The following COX7B2 variants were observed in gnomAD, a reference collection of about 807,000 sequenced individuals.
The protein encoded by COX7B2 is cytochrome c oxidase subunit 7B2, also known as cytochrome c oxidase subunit 7B2, mitochondrial.
For synonymous variants in COX7B2, 37 were observed against 32.1 expected, an observed-to-expected ratio of 1.15 and a Z score of -0.51; for missense variants, 109 against 95.9, an observed-to-expected ratio of 1.14 and a Z score of -0.57.
At chr4:46,854,705 A>G (rs1188286840) in intron 1 of COX7B2, among the ~76,000 whole-genome samples, 4 of 152,226 alleles carry the variant, frequency 2.6e-5, no homozygotes, top group African/African-American at 9.6e-5. Flanking sequence ...CAGAATATTT[A>G]TAATTTAAGA....
At chr4:46,859,955 G>T (rs1236801266) in intron 1 of COX7B2, among the ~76,000 whole-genome samples, 1 of 152,160 alleles carries the variant, frequency 6.6e-6, no homozygotes, top group Non-Finnish European at 1.5e-5. Flanking sequence ...CTACTCTTCT[G>T]TACACTGCCG....
At chr4:46,904,355 A>G (rs766175879) in intron 1 of COX7B2, among the ~76,000 whole-genome samples, 17 of 152,168 alleles carry the variant, frequency 1.1e-4, no homozygotes, top group Non-Finnish European at 1.9e-4. Flanking sequence ...TCAAATGGAG[A>G]TAACAGTAAT....
chr4:46,818,647 AAAAG>A (rs1714027651), intron 2 of COX7B2, among the ~76,000 whole-genome samples: 2 of 152,058 alleles, frequency 1.3e-5, no homozygotes, highest in African/African-American at 2.4e-5. Flanking sequence ...AAAAAAAAAA[AAAAG>A]AAAGAAAGAA....
chr4:46,905,767 C>T (rs915009846), intron 1 of COX7B2, among the ~76,000 whole-genome samples: 6 of 147,896 alleles, frequency 4.1e-5, no homozygotes, highest in African/African-American at 1.5e-4. Flanking sequence ...TAAAGGTGGA[C>T]TCTATCTTAC....
At chr4:46,850,353 A>T (rs957800716) in intron 1 of COX7B2, among the ~76,000 whole-genome samples, 3 of 152,050 alleles carry the variant, frequency 2.0e-5, no homozygotes, top group Non-Finnish European at 2.9e-5. Context: ...TCTGTTAACT[A>T]TTACTCTTTG....
At chr4:46,737,535 T>G (rs150241664) in intron 2 of COX7B2, among the ~76,000 whole-genome samples, 1 of 152,066 alleles carries the variant, frequency 6.6e-6, no homozygotes, top group African/African-American at 2.4e-5. Flanking sequence ...GAAATATAAG[T>G]GAATATTGGT....
chr4:46,792,447 G>GA (rs1718100057), intron 2 of COX7B2, among the ~76,000 whole-genome samples: 1 of 152,160 alleles, frequency 6.6e-6, no homozygotes, highest in Admixed American at 6.5e-5. Context: ...CCCACCCACT[G>GA]AGGCCTCAAA....
chr4:46,779,121 A>T (rs1228566049), intron 2 of COX7B2, among the ~76,000 whole-genome samples: 4 of 152,206 alleles, frequency 2.6e-5, no homozygotes, highest in African/African-American at 7.2e-5. Flanking sequence ...TTATAGCTAC[A>T]ATTCATTTAA....
intron 2 of COX7B2, among the ~76,000 whole-genome samples, chr4:46,786,600 T>G (rs1717764312): frequency 6.6e-6 from 1 of 152,202 alleles, no homozygotes; most frequent in Non-Finnish European, 1.5e-5. Flanking sequence ...TTCACATATA[T>G]TTTTTCTTTT....
intron 2 of COX7B2, among the ~76,000 whole-genome samples, chr4:46,798,770 A>T (rs1048106160): frequency 6.6e-6 from 1 of 152,130 alleles, no homozygotes; most frequent in Non-Finnish European, 1.5e-5. Flanking sequence ...CTATCATCCA[A>T]CAGAAGTGAT....
rs1265638973 is a variant in COX7B2, at chr4:46,830,975, T to C, written c.-50+13985A>G. On this transcript the variant is annotated intron_variant, in intron 2 of 2. Transcript: ENST00000355591. The stretch of plus-strand genomic sequence containing the variant: ...AGCCCTTCAGCCCGACACTGCACTG[T>C]GGGAGCCCCTTCCTGGGATGGCTGA... 6.6e-5 allele frequency among the ~76,000 whole-genome samples: 10 copies of C among 152,172 alleles called. No individual in the cohort carries two copies. In the East Asian group the frequency reaches 1.9e-3, roughly 30 times the overall value.
intron 1 of COX7B2, among the ~76,000 whole-genome samples, chr4:46,895,768 G>C (rs979965233): frequency 2.6e-5 from 4 of 150,964 alleles, no homozygotes; most frequent in African/African-American, 4.9e-5. Flanking sequence ...TATTTTTAAG[G>C]CCCCCCCCAA....
chr4:46,815,997 G>A (rs1278431157), intron 2 of COX7B2, among the ~76,000 whole-genome samples: 1 of 152,108 alleles, frequency 6.6e-6, no homozygotes, highest in Non-Finnish European at 1.5e-5. Flanking sequence ...GGCAGGAAAC[G>A]AGACCCGTGA....
At chr4:46,889,717 C>A (rs1044314208) in intron 1 of COX7B2, among the ~76,000 whole-genome samples, 2 of 152,162 alleles carry the variant, frequency 1.3e-5, no homozygotes, top group Admixed American at 6.5e-5. Context: ...AAGTCAAATT[C>A]TCTCAGCTTT....
In COX7B2 at chr4:46,845,857, A is replaced by T. The variant is rs188249207; in HGVS notation, c.-104-843T>A. 3.1e-4 allele frequency among the ~76,000 whole-genome samples: 47 copies of T among 152,146 alleles called. No homozygotes were observed. In the East Asian group the frequency reaches 7.4e-3, roughly 24 times the overall value. The stretch of plus-strand genomic sequence containing the variant: ...AACATTTGATGTAAAATAATCTGGC[A>T]TATGGTTAAACTGCATGAGTATCCA... On this transcript the variant is annotated intron_variant, in intron 1 of 2. Coordinates refer to ENST00000355591, the MANE Select transcript of COX7B2 (RefSeq NM_130902.3).
At chr4:46,783,141 T>C (rs1314056160) in intron 2 of COX7B2, among the ~76,000 whole-genome samples, 1 of 152,232 alleles carries the variant, frequency 6.6e-6, no homozygotes, top group East Asian at 1.9e-4. Flanking sequence ...CAGCTTTTTT[T>C]CCACTGTAAA....
chr4:46,864,250 C>T (rs1717506161), intron 1 of COX7B2, among the ~76,000 whole-genome samples: 1 of 152,108 alleles, frequency 6.6e-6, no homozygotes, highest in East Asian at 1.9e-4. Flanking sequence ...CAGCTGAGTA[C>T]ACCTATCCAG....
intron 2 of COX7B2, among the ~76,000 whole-genome samples, chr4:46,749,508 T>A (rs999764835): frequency 4.6e-5 from 7 of 152,170 alleles, no homozygotes; most frequent in African/African-American, 1.7e-4. Flanking sequence ...CACTATGTGA[T>A]AATTTACATT....
chr4:46,849,945 C>T (rs1716555873), intron 1 of COX7B2, among the ~76,000 whole-genome samples: 1 of 152,022 alleles, frequency 6.6e-6, no homozygotes, highest in Admixed American at 6.6e-5. Flanking sequence ...TGTGCTTCCT[C>T]ACAGCTATCA....
Sources: allele counts gnomAD v4.1 joint callset (sites outside exome capture counted in the v4.1 genomes callset), GRCh38; gene constraint gnomAD v4.1.1; transcripts MANE v1.5; gene names NCBI Gene and HGNC (gene_info 2026-07-23, HGNC 2026-07-21).